The following NEGR1 variants were observed in gnomAD, a reference collection of about 807,000 sequenced individuals.
NEGR1 encodes the protein IgLON family member 4.
NEGR1 carries 10 observed loss-of-function variants against 40.9 expected under a neutral mutation model. The ratio of observed to expected loss-of-function variants is 0.24; its 90% CI spans 0.15 to 0.42. NEGR1 has a LOEUF of 0.42. Among genes scored for constraint, NEGR1 ranks in the 10% least tolerant of loss-of-function variants. The pLI is 1.00. For synonymous variants in NEGR1, 185 were observed against 166.8 expected (o/e 1.11, Z -0.84); for missense variants, 352 against 438.9 (o/e 0.80, Z 1.77).
At chr1:72,267,606 C>T (rs1011629481) in intron 1 of NEGR1, among the ~76,000 whole-genome samples, 1 of 151,198 alleles carries the variant, frequency 6.6e-6, no homozygotes, top group Non-Finnish European at 1.5e-5. Flanking sequence ...GAAGTGTCAT[C>T]CATTCCATTG....
chr1:72,118,241 T>A (rs563801987), intron 1 of NEGR1, among the ~76,000 whole-genome samples: 12 of 151,966 alleles, frequency 7.9e-5, no homozygotes, highest in African/African-American at 2.6e-4. Flanking sequence ...GGTCCTGGAA[T>A]AACATTACTT....
At position 71,663,355 on chromosome 1, in the gene NEGR1, T is replaced by C. The variant is rs568126794; in HGVS notation, c.667+34653A>G. 2.6e-5 allele frequency among the ~76,000 whole-genome samples: 4 copies of C among 152,286 alleles called. No individual in the cohort carries two copies. The East Asian group carries it at 7.7e-4, about 29-fold the overall frequency. On this transcript the variant is annotated intron_variant, in intron 4 of 6. Transcript: ENST00000357731. ...TCTTATCATGTTATTATTTTATATTTTTAATATTTGTACAATGCTTATTTT... is the reference window on the plus strand; with the variant it reads ...TCTTATCATGTTATTATTTTATATTCTTAATATTTGTACAATGCTTATTTT...
At chr1:72,194,400 A>G (rs910129295) in intron 1 of NEGR1, among the ~76,000 whole-genome samples, 4 of 152,024 alleles carry the variant, frequency 2.6e-5, no homozygotes, top group African/African-American at 7.2e-5. Context: ...GAGTCTCAAA[A>G]GTAAGAACAT....
chr1:72,158,995 C>T (rs749724834), intron 1 of NEGR1, among the ~76,000 whole-genome samples: 13 of 151,996 alleles, frequency 8.6e-5, no homozygotes, highest in Admixed American at 6.6e-5. Flanking sequence ...TTGATCCTTG[C>T]GAGGCTGAAT....
chr1:71,431,744 C>G (rs1024675327), intron 6 of NEGR1, among the ~76,000 whole-genome samples: 2 of 152,112 alleles, frequency 1.3e-5, no homozygotes, highest in Admixed American at 6.5e-5. Flanking sequence ...AGTAGTGATA[C>G]ATTCTAAAAA....
At chr1:71,886,667 T>TC (rs775097168) in intron 2 of NEGR1, among the ~76,000 whole-genome samples, 1 of 152,136 alleles carries the variant, frequency 6.6e-6, no homozygotes, top group Non-Finnish European at 1.5e-5. Flanking sequence ...ACTCACCTTT[T>TC]CCCCAAGTTG....
intron 3 of NEGR1, among the ~76,000 whole-genome samples, chr1:71,752,240 C>T (rs1655593942): frequency 6.6e-6 from 1 of 152,122 alleles, no homozygotes; most frequent in Admixed American, 6.5e-5. Context: ...TGGTAGAAAA[C>T]ATTTTCTTAC....
intron 1 of NEGR1, among the ~76,000 whole-genome samples, chr1:72,270,632 C>T (rs1329984963): frequency 1.3e-5 from 2 of 151,870 alleles, no homozygotes; most frequent in Non-Finnish European, 2.9e-5. Context: ...CATCTTCATC[C>T]TCTGACTCTT....
chr1:71,588,510 T>C (rs1649383813), intron 6 of NEGR1, among the ~76,000 whole-genome samples: 1 of 152,152 alleles, frequency 6.6e-6, no homozygotes, highest in South Asian at 2.1e-4. Context: ...ATCTTCATTG[T>C]ATACTAGCTT....
chr1:71,740,746 T>C (rs1478580933), intron 3 of NEGR1, among the ~76,000 whole-genome samples: 2 of 152,204 alleles, frequency 1.3e-5, no homozygotes, highest in Non-Finnish European at 2.9e-5. Flanking sequence ...AATTAAATAA[T>C]GAATATTGCA....
chr1:72,268,021 T>A (rs1023323705), intron 1 of NEGR1, among the ~76,000 whole-genome samples: 1 of 151,390 alleles, frequency 6.6e-6, no homozygotes, highest in Non-Finnish European at 1.5e-5. Flanking sequence ...AGAAACAATA[T>A]GTGTGAGGTC....
intron 6 of NEGR1, among the ~76,000 whole-genome samples, chr1:71,494,118 G>T (rs1369068830): frequency 2.0e-5 from 3 of 152,184 alleles, no homozygotes. Flanking sequence ...CTAGGTTCCT[G>T]CAGTGTCCTG....
At chr1:71,866,970 G>C (rs1660132205) in intron 2 of NEGR1, among the ~76,000 whole-genome samples, 1 of 152,300 alleles carries the variant, frequency 6.6e-6, no homozygotes. Context: ...ATGCAACAGT[G>C]TAGAAGAAAG....
chr1:71,626,627 C>T (rs576734281), intron 4 of NEGR1, among the ~76,000 whole-genome samples: 2 of 151,824 alleles, frequency 1.3e-5, no homozygotes, highest in Non-Finnish European at 2.9e-5. Context: ...GCAACAAAAG[C>T]CAAAATTGAC....
chr1:71,716,642 G>A (rs1164178431), intron 3 of NEGR1, among the ~76,000 whole-genome samples: 1 of 152,064 alleles, frequency 6.6e-6, no homozygotes, highest in Non-Finnish European at 1.5e-5. Flanking sequence ...AGCCAGAAAA[G>A]CAGTTTAATA....
intron 6 of NEGR1, among the ~76,000 whole-genome samples, chr1:71,487,297 C>T (rs575808555): frequency 2.1e-4 from 32 of 151,614 alleles, no homozygotes; most frequent in African/African-American, 7.0e-4. Flanking sequence ...AACTATTGAG[C>T]GGCTACTTTC....
At chr1:72,264,098 G>A (rs1362861615) in intron 1 of NEGR1, among the ~76,000 whole-genome samples, 1 of 151,320 alleles carries the variant, frequency 6.6e-6, no homozygotes, top group African/African-American at 2.4e-5. Flanking sequence ...GGAGTCCACT[G>A]AAAATGAAAT....
At chr1:71,734,970 A>C (rs1655000398) in intron 3 of NEGR1, among the ~76,000 whole-genome samples, 1 of 151,704 alleles carries the variant, frequency 6.6e-6, no homozygotes, top group Non-Finnish European at 1.5e-5. Context: ...TACTCTCTGC[A>C]TCTTTAAGTT....
rs188298143 is a variant in NEGR1 at position 71,901,730 on chromosome 1, G to C, written c.409+33349C>G. Among the ~76,000 whole-genome samples the C allele has an allele frequency of 4.6e-3, 670 of 147,146 alleles. 5 individuals carry two copies. Among genetic ancestry groups the C allele is most frequent in the African/African-American group, 0.016 (649 of 39,722 alleles). ...CTGTCACCCAGGCTGGAGTGCAATG[G>C]TGCGATCTCAGCTCACTGCAACCTC... On this transcript the variant is annotated intron_variant, in intron 2 of 6. Coordinates refer to ENST00000357731, the MANE Select transcript of NEGR1 (RefSeq NM_173808.3).
Sources: allele counts gnomAD v4.1 joint callset (sites outside exome capture counted in the v4.1 genomes callset), GRCh38; gene constraint gnomAD v4.1.1; transcripts MANE v1.5; gene names NCBI Gene and HGNC (gene_info 2026-07-23, HGNC 2026-07-21).